Variants in ZFAND6 observed in about 807,000 individuals in gnomAD.
The protein encoded by ZFAND6 is zinc finger AN1-type containing 6, also known as AN1-type zinc finger protein 6.
In ZFAND6, 12 loss-of-function variants were observed where a neutral mutation model predicts 24.5. The observed-to-expected ratio is 0.49, with a 90% CI of 0.31 to 0.79. ZFAND6 has a LOEUF of 0.79. Among genes scored for constraint, ZFAND6 ranks in the 30% least tolerant of loss-of-function variants. ZFAND6 has a pLI of 0.04. For synonymous variants in ZFAND6, 92 were observed against 81.5 expected (o/e 1.13, Z -0.69); for missense variants, 207 against 245.9 (o/e 0.84, Z 1.06).
At chr15:80,123,209 TCTC>T (rs1168556860) in intron 5 of ZFAND6, 111 of 156,234 alleles carry the variant, frequency 7.1e-4, no homozygotes, top group Non-Finnish European at 3.7e-4. Flanking sequence ...GCCTGGCAGT[TCTC>T]CTTTTTTCTT....
At position 80,137,462 on chromosome 15, in the gene ZFAND6, G is replaced by T; in HGVS notation, c.479-18G>T. On this transcript the variant is annotated intron_variant, in intron 6 of 6. Coordinates refer to ENST00000261749, the MANE Select transcript of ZFAND6 (RefSeq NM_019006.4). ...ATTTCATCCTTCAACTCATGTATGT[G>T]TATTACTCCATTTCCAGGGTTTGAA... 1 of 1,599,462 alleles carries T rather than the reference G, an allele frequency of 6.3e-7. No homozygotes were observed.
At chr15:80,117,592 G>T (rs1000109405) in intron 2 of ZFAND6, among the ~76,000 whole-genome samples, 1 of 152,116 alleles carries the variant, frequency 6.6e-6, no homozygotes, top group Admixed American at 6.5e-5. Flanking sequence ...CATGAAAAAG[G>T]CAGTTCAGTC....
intron 1 of ZFAND6, among the ~76,000 whole-genome samples, chr15:80,070,755 A>G (rs1175023344): frequency 6.6e-6 from 1 of 152,068 alleles, no homozygotes; most frequent in Non-Finnish European, 1.5e-5. Context: ...ATAACTATTT[A>G]CTAATTTTAT....
intron 1 of ZFAND6, among the ~76,000 whole-genome samples, chr15:80,068,176 T>C (rs1446206211): frequency 6.7e-6 from 1 of 150,010 alleles, no homozygotes; most frequent in African/African-American, 2.5e-5. Flanking sequence ...AGACATGGTG[T>C]TGCCTTTGTC....
chr15:80,096,999 A>ATTT lies in ZFAND6; in HGVS notation c.-180-1401_-180-1399dup, dbSNP rs766620204. Among the ~76,000 whole-genome samples the ATTT allele has an allele frequency of 6.5e-3, 903 of 138,760 alleles. 12 individuals carry two copies. The highest frequency in any genetic ancestry group is 0.022 in the African/African-American group (837 of 37,580). The allele number at this position is 138,760 out of a possible 152,430, so 91.0% of individuals were successfully genotyped here. ...TTAAAGTTTAGATATAATGTGTTAG[A>ATTT]TTTTTTTTTTTTTTTTTTGAGACGG... On this transcript the variant is annotated intron_variant, in intron 1 of 6. Coordinates refer to ENST00000261749, the MANE Select transcript of ZFAND6 (RefSeq NM_019006.4).
At chr15:80,079,878 C>T (rs1302182841) in intron 1 of ZFAND6, among the ~76,000 whole-genome samples, 2 of 151,894 alleles carry the variant, frequency 1.3e-5, no homozygotes, top group Admixed American at 1.3e-4. Flanking sequence ...GTCTCGATCT[C>T]CTGACCTTGT....
intron 2 of ZFAND6, among the ~76,000 whole-genome samples, chr15:80,118,491 GA>G (rs1325387269): frequency 1.3e-5 from 2 of 152,112 alleles, no homozygotes; most frequent in Non-Finnish European, 2.9e-5. Context: ...CAAAAAAGGG[GA>G]AAAACCCCAA....
intron 6 of ZFAND6, among the ~76,000 whole-genome samples, chr15:80,134,312 A>G (rs1236004714): frequency 6.6e-6 from 1 of 152,186 alleles, no homozygotes; most frequent in African/African-American, 2.4e-5. Context: ...GATATTGGAC[A>G]ATGCCCCTGG....
At chr15:80,130,976 T>C (rs189863494) in intron 5 of ZFAND6, 36 of 422,418 alleles carry the variant, frequency 8.5e-5, no homozygotes, top group Admixed American at 2.4e-4. Flanking sequence ...CATTACATAT[T>C]CTAGATTATT....
intron 6 of ZFAND6, among the ~76,000 whole-genome samples, chr15:80,132,537 T>A (rs1035221259): frequency 6.6e-5 from 10 of 152,182 alleles, no homozygotes; most frequent in Non-Finnish European, 1.5e-4. Flanking sequence ...CATAGCCACC[T>A]CCTATTGCTA....
chr15:80,137,274 C>G (rs1175216269), intron 6 of ZFAND6, among the ~76,000 whole-genome samples: 3 of 152,052 alleles, frequency 2.0e-5, no homozygotes, highest in Non-Finnish European at 2.9e-5. Context: ...AGGACTTTCT[C>G]TAGGGCAAAC....
intron 1 of ZFAND6, among the ~76,000 whole-genome samples, chr15:80,096,728 T>G (rs1730895356): frequency 1.3e-5 from 2 of 152,214 alleles, no homozygotes; most frequent in African/African-American, 4.8e-5. Flanking sequence ...TCCTAAAATT[T>G]ACTATAGAAA....
At chr15:80,068,572 A>G (rs1239489490) in intron 1 of ZFAND6, among the ~76,000 whole-genome samples, 1 of 152,130 alleles carries the variant, frequency 6.6e-6, no homozygotes, top group Non-Finnish European at 1.5e-5. Context: ...GGGTTTCGCC[A>G]TATTGGCCAG....
At chr15:80,100,472 T>G (rs2038972225) in intron 2 of ZFAND6, among the ~76,000 whole-genome samples, 1 of 151,940 alleles carries the variant, frequency 6.6e-6, no homozygotes, top group South Asian at 2.1e-4. Flanking sequence ...GGTCCCAAAT[T>G]TCTTTTTATC....
intron 2 of ZFAND6, among the ~76,000 whole-genome samples, chr15:80,110,620 CTG>C (rs2039559767): frequency 6.6e-6 from 1 of 151,146 alleles, no homozygotes; most frequent in African/African-American, 2.4e-5. Context: ...TCAAAAAAAA[CTG>C]TATAATTTAG....
At chr15:80,074,554 T>C (rs889934855) in intron 1 of ZFAND6, among the ~76,000 whole-genome samples, 5 of 151,944 alleles carry the variant, frequency 3.3e-5, no homozygotes, top group African/African-American at 1.2e-4. Flanking sequence ...ATTTGTGCGT[T>C]TCTTAATTTT....
chr15:80,066,850 C>G (rs1276672921), intron 1 of ZFAND6, among the ~76,000 whole-genome samples: 4 of 150,070 alleles, frequency 2.7e-5, no homozygotes, highest in Non-Finnish European at 5.9e-5. Flanking sequence ...TGAGCCGAGA[C>G]TGCACCACTA....
chr15:80,069,083 G>A (rs1038420921), intron 1 of ZFAND6, among the ~76,000 whole-genome samples: 4 of 152,214 alleles, frequency 2.6e-5, no homozygotes, highest in African/African-American at 9.7e-5. Flanking sequence ...TATAAAGAAT[G>A]AGTCTTCGTC....
At chr15:80,098,677 G>C (rs958821825) in intron 2 of ZFAND6, 99 bp downstream of exon 2, 2 of 152,014 alleles carry the variant, frequency 1.3e-5, no homozygotes, top group Non-Finnish European at 2.9e-5. Flanking sequence ...AAGTCATCAT[G>C]ATGAGACATT....
Sources: allele counts gnomAD v4.1 joint callset (sites outside exome capture counted in the v4.1 genomes callset), GRCh38; gene constraint gnomAD v4.1.1; transcripts MANE v1.5; gene names NCBI Gene and HGNC (gene_info 2026-07-23, HGNC 2026-07-21).